UGT1A6: variants seen among roughly 807,000 people sequenced by gnomAD.
UGT1A6 encodes UDP glucuronosyltransferase family 1 member A6.
UGT1A6 carries 32 observed loss-of-function variants against 44.4 expected under a neutral mutation model. The observed-to-expected ratio is 0.72, with a 90% CI of 0.54 to 0.97. The LOEUF (loss-of-function observed/expected upper bound fraction) is 0.97. UGT1A6 is among the 50% of genes least tolerant of loss of function. The probability of loss-of-function intolerance (pLI) is 0.00; values close to 1 mark genes in which losing one functional copy is unlikely to be tolerated. For synonymous variants in UGT1A6, 238 were observed against 248.5 expected, an observed-to-expected ratio of 0.96 and a Z score of 0.40; for missense variants, 685 against 661.9, an observed-to-expected ratio of 1.03 and a Z score of -0.38.
chr2:233,742,421 C>T (rs114948883), intron 1 of UGT1A6, among the ~76,000 whole-genome samples: 5,160 of 152,060 alleles, frequency 0.034, 167 homozygotes, highest in African/African-American at 0.052. Context: ...ACACCTTAAG[C>T]GGTTTTCCTC....
At chr2:233,771,865 A>G (rs1241166548) in intron 4 of UGT1A6, among the ~76,000 whole-genome samples, 1 of 149,352 alleles carries the variant, frequency 6.7e-6, no homozygotes, top group Non-Finnish European at 1.5e-5. Context: ...GATCAATAAC[A>G]TTTATTAAGA....
chr2:233,707,853 G>A (rs2075991283), intron 1 of UGT1A6, among the ~76,000 whole-genome samples: 1 of 152,142 alleles, frequency 6.6e-6, no homozygotes, highest in Non-Finnish European at 1.5e-5. Context: ...ATTTTTCAGA[G>A]TGGTTGTACA....
At chr2:233,744,534 G>A (rs1692839516) in intron 1 of UGT1A6, among the ~76,000 whole-genome samples, 1 of 151,902 alleles carries the variant, frequency 6.6e-6, no homozygotes. Context: ...TTATTTTTAT[G>A]TAAATTTTAT....
Position 233,769,443 on chromosome 2 carries a change from G to T in UGT1A6, c.1301+1004G>T. 1.3e-6 allele frequency: 2 copies of T among 1,564,916 alleles called. No homozygotes were observed. The highest frequency in any genetic ancestry group is 1.8e-6 in the Non-Finnish European group (2 of 1,139,736). On this transcript the variant is annotated intron_variant, in intron 4 of 4. Coordinates refer to ENST00000305139, the MANE Select transcript of UGT1A6 (RefSeq NM_001072.4). This position sits in a 1 kb window ranked among gnomAD's most constrained non-coding sequence, Gnocchi z 4.4. The stretch of plus-strand genomic sequence containing the variant: ...CATGTGGCTGTGCTCATGTGTGGGT[G>T]CACACGTGTGCATTCATATGCGTGT...
At position 233,713,557 on chromosome 2, in the gene UGT1A6, A is replaced by G. The variant is rs1233820517; in HGVS notation, c.861+19692A>G. 4 of 1,613,816 alleles carry G rather than the reference A, an allele frequency of 2.5e-6. No individual in the cohort carries two copies. The highest frequency in any genetic ancestry group is 2.2e-5 in the East Asian group (1 of 44,890). ...GACTTTAAGGGCACACAGTGTCCAA[A>G]CCCTTCCTCCTATATTCCTAGATTA... On this transcript the variant is annotated intron_variant, in intron 1 of 4. Transcript: ENST00000305139.
chr2:233,751,234 G>T (rs1326079601), intron 1 of UGT1A6, among the ~76,000 whole-genome samples: 1 of 151,962 alleles, frequency 6.6e-6, no homozygotes, highest in East Asian at 1.9e-4. Flanking sequence ...GCCCTGCCTG[G>T]TTTTGGACTT....
intron 1 of UGT1A6, among the ~76,000 whole-genome samples, chr2:233,734,160 T>C (rs535251850): frequency 1.3e-5 from 2 of 152,268 alleles, no homozygotes; most frequent in Non-Finnish European, 2.9e-5. Context: ...GTCCTGGACT[T>C]TTTTTGGTTG....
chr2:233,702,191 C>T (rs1424495511), intron 1 of UGT1A6, among the ~76,000 whole-genome samples: 1 of 152,184 alleles, frequency 6.6e-6, no homozygotes. Flanking sequence ...TCCTCCAGCC[C>T]CTGGCAGCCA....
intron 1 of UGT1A6, among the ~76,000 whole-genome samples, chr2:233,717,375 A>C (rs1330079040): frequency 6.6e-6 from 1 of 152,208 alleles, no homozygotes; most frequent in African/African-American, 2.4e-5. Context: ...AAGCCCTTAC[A>C]GACCTGCCCT....
chr2:233,772,113 TA>T, intron 4 of UGT1A6, 148 bp from the exon 5 acceptor site: 2 of 1,529,488 alleles, frequency 1.3e-6, no homozygotes, highest in South Asian at 2.5e-5. Flanking sequence ...ACTCTGTATC[TA>T]AAAACAACAA....
intron 1 of UGT1A6, among the ~76,000 whole-genome samples, chr2:233,744,247 T>C (rs1227654990): frequency 1.3e-5 from 2 of 151,818 alleles, no homozygotes; most frequent in Non-Finnish European, 2.9e-5. Flanking sequence ...TTTGGCTGCC[T>C]GAAGAACTGT....
intron 1 of UGT1A6, among the ~76,000 whole-genome samples, chr2:233,697,101 T>A (rs1420519928): frequency 6.6e-6 from 1 of 152,004 alleles, no homozygotes; most frequent in Non-Finnish European, 1.5e-5. Context: ...ACAGGATGAG[T>A]TTGGAAGTAT....
At chr2:233,754,942 A>T in intron 1 of UGT1A6, 4 of 1,333,346 alleles carry the variant, frequency 3.0e-6, no homozygotes, top group Non-Finnish European at 4.0e-6. Flanking sequence ...TCAAAGGAGA[A>T]TGGGTCCCGG....
intron 1 of UGT1A6, among the ~76,000 whole-genome samples, chr2:233,703,406 T>C (rs375646119): frequency 2.2e-4 from 33 of 152,288 alleles, no homozygotes; most frequent in Middle Eastern, 6.8e-3. Flanking sequence ...AATTTTGGTT[T>C]TGTTTATTTT....
Position 233,729,571 on chromosome 2 carries a change from G to A in UGT1A6, c.861+35706G>A, listed in dbSNP as rs965988508. The A allele has an allele frequency of 3.7e-6, 6 of 1,613,982 alleles. No individual in the cohort carries two copies. In the African/African-American group the frequency reaches 6.7e-5, roughly 18 times the overall value. ...CCTGAATGCTACTTCCTTTGATGTG[G>A]TTTTAACAGACCCCGTTAACCTCTG... On this transcript the variant is annotated intron_variant, in intron 1 of 4. Transcript: ENST00000305139.
chr2:233,713,312 G>T (rs1406114434), intron 1 of UGT1A6: 8 of 1,614,228 alleles, frequency 5.0e-6, no homozygotes, highest in Non-Finnish European at 6.8e-6. Flanking sequence ...AACATCTTCT[G>T]ATGAAATTTT....
intron 1 of UGT1A6, chr2:233,729,673 A>C: frequency 3.1e-6 from 5 of 1,613,898 alleles, no homozygotes; most frequent in Non-Finnish European, 4.2e-6. Context: ...TTTAGACTTT[A>C]AGGGCACACA....
intron 1 of UGT1A6, among the ~76,000 whole-genome samples, chr2:233,740,479 C>T (rs1387993286): frequency 6.6e-6 from 1 of 151,850 alleles, no homozygotes; most frequent in East Asian, 1.9e-4. Context: ...AGGATCATTC[C>T]CTCTTCCAGA....
intron 1 of UGT1A6, chr2:233,712,998 A>G: frequency 6.2e-7 from 1 of 1,613,488 alleles, no homozygotes; most frequent in Non-Finnish European, 8.5e-7. Context: ...TGAGATGGCC[A>G]CAGGACTCCA....
Sources: gnomAD v4.1 joint callset for allele counts (sites outside exome capture counted in the v4.1 genomes callset) on GRCh38, gnomAD v4.1.1 for gene constraint, Gnocchi (gnomAD v3.1) non-coding constraint, MANE v1.5 for transcripts, NCBI Gene and HGNC (gene_info 2026-07-23, HGNC 2026-07-21) for gene names.